NRG3: variants seen among roughly 807,000 people sequenced by gnomAD.
NRG3 encodes the protein pro-neuregulin-3, membrane-bound isoform.
NRG3 carries 31 observed loss-of-function variants against 66.9 expected under a neutral mutation model. That is an observed-to-expected ratio of 0.46 (90% CI 0.35 to 0.63). The LOEUF (loss-of-function observed/expected upper bound fraction) is 0.63, where lower values mean the gene tolerates loss of function less well. NRG3 is among the 20% of genes least tolerant of loss of function. The pLI, the probability that NRG3 is intolerant of heterozygous loss-of-function variation, is 0.00. For missense variants in NRG3, 910 were observed against 878.9 expected (o/e 1.04, Z -0.45); for synonymous variants, 393 against 359.4 (o/e 1.09, Z -1.06).
At chr10:81,919,958 A>G (rs1396051148) in intron 1 of NRG3, among the ~76,000 whole-genome samples, 1 of 152,210 alleles carries the variant, frequency 6.6e-6, no homozygotes, top group Non-Finnish European at 1.5e-5. Context: ...CGCTACTGCT[A>G]GCCACATCTG....
chr10:81,994,794 T>G (rs1200191453), intron 1 of NRG3, among the ~76,000 whole-genome samples: 1 of 152,136 alleles, frequency 6.6e-6, no homozygotes, highest in East Asian at 1.9e-4. Context: ...TTAACTTAAT[T>G]TTTGGATACT....
At chr10:82,040,410 T>G (rs1458753601) in intron 1 of NRG3, among the ~76,000 whole-genome samples, 1 of 23,262 alleles carries the variant, frequency 4.3e-5, no homozygotes, top group Non-Finnish European at 1.8e-4. Context: ...ATACAATATA[T>G]ATGTAATATG....
chr10:81,876,009 C>G lies in NRG3; in HGVS notation c.669C>G (p.Ser223=), dbSNP rs774766661. The G allele has an allele frequency of 1.2e-6, 2 of 1,614,066 alleles. No individual in the cohort carries two copies. Among genetic ancestry groups the G allele is most frequent in the South Asian group, 2.2e-5 (2 of 91,082 alleles). The change falls in exon 1 of 9, where the codon TCC becomes TCG. Residue 223 remains serine, a synonymous_variant. Transcript: ENST00000372141. Reference sequence around the variant, plus strand: ...CTCCAAGTACCCAGGCAATGCCCTCCTGGCCTACTGCGGCATACGCTACCT... The same window carrying G: ...CTCCAAGTACCCAGGCAATGCCCTCGTGGCCTACTGCGGCATACGCTACCT... ...PGTPSTQAMP[S]WPTAAYATSS...
At chr10:82,439,641 T>TTA (rs2090329346) in intron 2 of NRG3, among the ~76,000 whole-genome samples, 1 of 152,052 alleles carries the variant, frequency 6.6e-6, no homozygotes. Flanking sequence ...AGTTAAATCA[T>TTA]TAAAGCAATT....
At chr10:82,178,582 T>C (rs1221554735) in intron 1 of NRG3, among the ~76,000 whole-genome samples, 1 of 152,200 alleles carries the variant, frequency 6.6e-6, no homozygotes, top group East Asian at 1.9e-4. Flanking sequence ...CTAAATAGTA[T>C]TTTATTGTAT....
At chr10:82,711,130 A>G (rs147840824) in intron 2 of NRG3, among the ~76,000 whole-genome samples, 1,642 of 152,288 alleles carry the variant, frequency 0.011, 30 homozygotes, top group African/African-American at 0.038. Flanking sequence ...CCAGGCTAGA[A>G]TGTGGTCACC....
intron 2 of NRG3, among the ~76,000 whole-genome samples, chr10:82,365,500 A>C (rs2084462347): frequency 6.6e-6 from 1 of 152,222 alleles, no homozygotes; most frequent in South Asian, 2.1e-4. Context: ...AAATGAAGAA[A>C]GTTATAATTA....
chr10:82,639,799 G>A (rs1029197682), intron 2 of NRG3, among the ~76,000 whole-genome samples: 13 of 152,048 alleles, frequency 8.5e-5, no homozygotes, highest in Admixed American at 1.3e-4. Flanking sequence ...AAGTTCAGGG[G>A]TACATATGAA....
chr10:82,352,512 C>T (rs1476712704), intron 1 of NRG3, among the ~76,000 whole-genome samples: 1 of 152,078 alleles, frequency 6.6e-6, no homozygotes, highest in Non-Finnish European at 1.5e-5. Context: ...GGTGAAAAGG[C>T]CCCAGAGAAG....
In NRG3 at chr10:82,199,862, T is replaced by C. The variant is rs910894278; in HGVS notation, c.824-158877T>C. On this transcript the variant is annotated intron_variant, in intron 1 of 8. Transcript: ENST00000372141. ...CGTCTGATGCCCGCTATCTGTGTTA[T>C]TGAGAGTGTGCATGTGTGTGTGTGT... Among the ~76,000 whole-genome samples, 21 of 141,606 alleles carry C rather than the reference T, an allele frequency of 1.5e-4. 1 individual carries two copies. Among genetic ancestry groups the C allele is most frequent in the Admixed American group, 1.3e-3 (17 of 13,488 alleles). The allele number at this position is 141,606 out of a possible 152,430, so 92.9% of individuals were successfully genotyped here.
intron 2 of NRG3, among the ~76,000 whole-genome samples, chr10:82,543,947 A>G (rs1393567614): frequency 6.6e-6 from 1 of 152,194 alleles, no homozygotes; most frequent in Non-Finnish European, 1.5e-5. Flanking sequence ...CTTCTGAGAA[A>G]TTGTCAAGGG....
chr10:82,432,352 C>T (rs1294784045), intron 2 of NRG3, among the ~76,000 whole-genome samples: 3 of 151,932 alleles, frequency 2.0e-5, no homozygotes, highest in African/African-American at 4.8e-5. Context: ...TGATATTTGT[C>T]TTTCTGTGCT....
intron 2 of NRG3, among the ~76,000 whole-genome samples, chr10:82,490,675 A>G (rs917064660): frequency 6.6e-6 from 1 of 152,008 alleles, no homozygotes; most frequent in Non-Finnish European, 1.5e-5. Flanking sequence ...TCTACCTTAT[A>G]TCCCTATTTG....
intron 2 of NRG3, among the ~76,000 whole-genome samples, chr10:82,394,261 A>T (rs917785529): frequency 3.9e-5 from 6 of 152,210 alleles, no homozygotes; most frequent in Non-Finnish European, 8.8e-5. Context: ...GAACAGATGC[A>T]GGAGCACATT....
At chr10:82,888,955 T>G (rs1460649789) in intron 4 of NRG3, among the ~76,000 whole-genome samples, 1 of 152,082 alleles carries the variant, frequency 6.6e-6, no homozygotes, top group African/African-American at 2.4e-5. Flanking sequence ...CAACTGTGAC[T>G]GGAGCGGAAT....
chr10:81,942,017 C>T (rs1254319453), intron 1 of NRG3, among the ~76,000 whole-genome samples: 1 of 152,142 alleles, frequency 6.6e-6, no homozygotes, highest in Admixed American at 6.6e-5. Context: ...TAGATCTTCT[C>T]ATCCTTTTCC....
At chr10:82,181,186 A>G (rs1589234117) in intron 1 of NRG3, among the ~76,000 whole-genome samples, 2 of 151,468 alleles carry the variant, frequency 1.3e-5, no homozygotes, top group East Asian at 3.9e-4. Flanking sequence ...AAGTTTATCT[A>G]TCTTTTCAGA....
At chr10:82,562,134 T>C (rs2045088343) in intron 2 of NRG3, among the ~76,000 whole-genome samples, 2 of 152,230 alleles carry the variant, frequency 1.3e-5, no homozygotes, top group Admixed American at 1.3e-4. Context: ...ACATCTGAAA[T>C]ATTACGGTGC....
chr10:82,550,016 A>G lies in NRG3; in HGVS notation c.954-188561A>G, dbSNP rs1160297602. 2.0e-5 allele frequency among the ~76,000 whole-genome samples: 3 copies of G among 152,276 alleles called. No homozygotes were observed. The East Asian group carries it at 5.8e-4, about 29-fold the overall frequency. Reference sequence around the variant, plus strand: ...ATTGTGTTGCTGGAGGCAGCAAAACATATTTTCCCTCATCTAAAGAAATTT... The same window carrying G: ...ATTGTGTTGCTGGAGGCAGCAAAACGTATTTTCCCTCATCTAAAGAAATTT... On this transcript the variant is annotated intron_variant, in intron 2 of 8. Transcript: ENST00000372141.
Sources: gnomAD v4.1 joint callset for allele counts (sites outside exome capture counted in the v4.1 genomes callset) on GRCh38, gnomAD v4.1.1 for gene constraint, MANE v1.5 for transcripts, NCBI Gene and HGNC (gene_info 2026-07-23, HGNC 2026-07-21) for gene names.